Variants in ROBO1 observed in about 807,000 individuals in gnomAD.
ROBO1 encodes the protein roundabout guidance receptor 1, also known as roundabout homolog 1.
A neutral mutation model predicts 195.9 loss-of-function variants in ROBO1; 149 were observed. That is an observed-to-expected ratio of 0.76 (90% CI 0.67 to 0.87). The LOEUF (loss-of-function observed/expected upper bound fraction) is 0.87, where lower values mean the gene tolerates loss of function less well. Ranked by LOEUF, ROBO1 falls within the 40% of genes least tolerant of loss-of-function variation. The probability of loss-of-function intolerance (pLI) is 0.00; values close to 1 mark genes in which losing one functional copy is unlikely to be tolerated. For missense variants in ROBO1, 1,933 were observed against 2,068.3 expected (o/e 0.93, Z 1.27); for synonymous variants, 816 against 733.2 (o/e 1.11, Z -1.82).
chr3:79,607,166 G>A (rs1002319684), intron 1 of ROBO1, among the ~76,000 whole-genome samples: 2 of 144,944 alleles, frequency 1.4e-5, no homozygotes, highest in African/African-American at 5.2e-5. Context: ...TACATACTAA[G>A]AACATTGAAA....
At chr3:78,896,670 A>AAAAT (rs537415296) in intron 4 of ROBO1, among the ~76,000 whole-genome samples, 33 of 151,618 alleles carry the variant, frequency 2.2e-4, no homozygotes, top group African/African-American at 7.0e-4. Flanking sequence ...AAAAAAAAAA[A>AAAAT]AAAAAAAAAA....
intron 8 of ROBO1, among the ~76,000 whole-genome samples, chr3:78,694,693 T>G (rs899565304): frequency 6.6e-6 from 1 of 152,184 alleles, no homozygotes. Flanking sequence ...GTGGTTACAT[T>G]TCTTGACACC....
intron 3 of ROBO1, 124 bp from the exon 4 acceptor site, chr3:78,939,051 C>A (rs899411156): frequency 2.5e-6 from 2 of 794,436 alleles, no homozygotes; most frequent in African/African-American, 3.5e-5. Flanking sequence ...CCTTCCTACC[C>A]TATTTACTAA....
intron 1 of ROBO1, among the ~76,000 whole-genome samples, chr3:79,713,491 A>T (rs1269311816): frequency 1.3e-5 from 2 of 152,116 alleles, no homozygotes; most frequent in Admixed American, 6.6e-5. Flanking sequence ...GTTACTTAGA[A>T]GAGTTTAAGC....
intron 2 of ROBO1, among the ~76,000 whole-genome samples, chr3:79,252,578 C>T (rs1397791549): frequency 6.6e-6 from 1 of 152,074 alleles, no homozygotes; most frequent in Non-Finnish European, 1.5e-5. Flanking sequence ...TTGTTAAAGC[C>T]ACCCAGTTTG....
chr3:79,560,533 A>AT (rs1942874730), intron 2 of ROBO1, among the ~76,000 whole-genome samples: 1 of 109,626 alleles, frequency 9.1e-6, no homozygotes, highest in South Asian at 2.7e-4. Context: ...TAATAATAAT[A>AT]ATTATATATA....
At chr3:78,763,334 A>G (rs1252886803) in intron 4 of ROBO1, among the ~76,000 whole-genome samples, 1 of 152,162 alleles carries the variant, frequency 6.6e-6, no homozygotes, top group African/African-American at 2.4e-5. Flanking sequence ...TATAGTAAGT[A>G]CATATGGCCT....
intron 3 of ROBO1, among the ~76,000 whole-genome samples, chr3:79,062,898 G>A (rs937656129): frequency 4.0e-5 from 6 of 151,710 alleles, no homozygotes; most frequent in African/African-American, 1.2e-4. Flanking sequence ...GAGTTGATGG[G>A]TGCAGCAAAC....
At chr3:78,606,154 A>G (rs1201152345) in intron 29 of ROBO1, among the ~76,000 whole-genome samples, 1 of 152,172 alleles carries the variant, frequency 6.6e-6, no homozygotes, top group Non-Finnish European at 1.5e-5. Flanking sequence ...CAAACCCTTC[A>G]GAATAGTATC....
Position 79,106,839 on chromosome 3 carries a change from A to T in ROBO1, c.172+18617T>A, listed in dbSNP as rs115123753. On this transcript the variant is annotated intron_variant, in intron 3 of 30. Transcript: ENST00000464233. The stretch of plus-strand genomic sequence containing the variant: ...AGCAGTGAAGTTGCACAGGAAAGTG[A>T]AAGTTGTTATTACAGGAATACATTC... Among the ~76,000 whole-genome samples, 544 of 151,806 alleles carry T rather than the reference A, an allele frequency of 3.6e-3. 7 individuals carry two copies. The highest frequency in any genetic ancestry group is 0.012 in the African/African-American group (507 of 41,516).
chr3:79,287,463 A>T (rs2031956233), intron 2 of ROBO1, among the ~76,000 whole-genome samples: 1 of 152,178 alleles, frequency 6.6e-6, no homozygotes, highest in Non-Finnish European at 1.5e-5. Flanking sequence ...GGAGATATTT[A>T]AAAATGCTAT....
In ROBO1 at chr3:78,912,612, C is replaced by A. The variant is rs374544291; in HGVS notation, c.499+25989G>T. On this transcript the variant is annotated intron_variant, in intron 4 of 30. Transcript: ENST00000464233. ...GTTTTATTAAACTTCCTTCCTTGTT[C>A]TTGAAACCTTGCACAAGCTATAGTA... 5.9e-5 allele frequency among the ~76,000 whole-genome samples: 9 copies of A among 152,230 alleles called. No individual in the cohort carries two copies. The East Asian group carries it at 9.6e-4, about 16-fold the overall frequency.
chr3:78,916,168 T>G (rs915767337), intron 4 of ROBO1, among the ~76,000 whole-genome samples: 2 of 146,926 alleles, frequency 1.4e-5, no homozygotes, highest in Non-Finnish European at 3.0e-5. Context: ...GAGAATGGCG[T>G]GAACCCGGGA....
intron 2 of ROBO1, among the ~76,000 whole-genome samples, chr3:79,290,830 A>T (rs1169752999): frequency 2.0e-5 from 3 of 152,080 alleles, no homozygotes; most frequent in African/African-American, 7.2e-5. Context: ...TTTCTGAGCT[A>T]TATCCCATTT....
At chr3:78,613,824 A>G (rs982986959) in intron 28 of ROBO1, among the ~76,000 whole-genome samples, 14 of 152,112 alleles carry the variant, frequency 9.2e-5, no homozygotes, top group African/African-American at 3.4e-4. Flanking sequence ...AAAATTGCTG[A>G]CTGGTAATGA....
intron 26 of ROBO1, among the ~76,000 whole-genome samples, chr3:78,626,884 T>G (rs1187284972): frequency 6.6e-6 from 1 of 152,118 alleles, no homozygotes; most frequent in Non-Finnish European, 1.5e-5. Flanking sequence ...TTCTGTGACA[T>G]TATAGTTATG....
chr3:79,325,731 T>C (rs1479977281), intron 2 of ROBO1, among the ~76,000 whole-genome samples: 7 of 152,192 alleles, frequency 4.6e-5, no homozygotes, highest in African/African-American at 1.4e-4. Context: ...TGCCCATCTT[T>C]ACTTTAATCT....
Position 79,672,209 on chromosome 3 carries a change from A to G in ROBO1, c.-50-82248T>C, listed in dbSNP as rs367582715. ...CACAGCATGCAGAGACAGTAGGCCA[A>G]ATTTCTGAATGAATTGTTCACTTTC... On this transcript the variant is annotated intron_variant, in intron 1 of 30. Transcript: ENST00000464233. Among the ~76,000 whole-genome samples the G allele has an allele frequency of 6.6e-5, 10 of 152,076 alleles. No homozygotes were observed. In the South Asian group the frequency reaches 1.0e-3, roughly 16 times the overall value.
chr3:78,852,987 G>A (rs1226505325), intron 4 of ROBO1, among the ~76,000 whole-genome samples: 2 of 152,090 alleles, frequency 1.3e-5, no homozygotes, highest in African/African-American at 4.8e-5. Context: ...AACTGTCTGG[G>A]CCAATTTCAT....
Sources: allele counts gnomAD v4.1 joint callset (sites outside exome capture counted in the v4.1 genomes callset), GRCh38; gene constraint gnomAD v4.1.1; transcripts MANE v1.5; gene names NCBI Gene and HGNC (gene_info 2026-07-23, HGNC 2026-07-21).